SORCS1: variants seen among roughly 807,000 people sequenced by gnomAD.
The protein encoded by SORCS1 is VPS10 domain-containing receptor SorCS1.
Under a neutral mutation model 146.1 loss-of-function variants are expected in SORCS1, and 60 were observed. The ratio of observed to expected loss-of-function variants is 0.41; its 90% confidence interval spans 0.33 to 0.51. The LOEUF (loss-of-function observed/expected upper bound fraction) is 0.51, where lower values mean the gene tolerates loss of function less well. SORCS1 is among the 20% of genes least tolerant of loss of function. SORCS1 has a pLI of 0.21. For synonymous variants in SORCS1, 637 were observed against 584.0 expected, an observed-to-expected ratio of 1.09 and a Z score of -1.31; for missense variants, 1,352 against 1,487.6, an observed-to-expected ratio of 0.91 and a Z score of 1.50.
At chr10:106,840,957 G>A (rs1727503271) in intron 2 of SORCS1, among the ~76,000 whole-genome samples, 1 of 150,900 alleles carries the variant, frequency 6.6e-6, no homozygotes. Context: ...CCAGGTTCAA[G>A]TGATTCCCCT....
intron 1 of SORCS1, among the ~76,000 whole-genome samples, chr10:107,114,769 A>G (rs1332651242): frequency 6.6e-6 from 1 of 152,146 alleles, no homozygotes; most frequent in Admixed American, 6.5e-5. Context: ...ATTGTGTGAT[A>G]ATAAGAAAGA....
chr10:106,879,443 A>AG (rs1466180484), intron 2 of SORCS1, among the ~76,000 whole-genome samples: 1 of 152,228 alleles, frequency 6.6e-6, no homozygotes, highest in Non-Finnish European at 1.5e-5. Context: ...CCACATGTGT[A>AG]GGTGAGTGTA....
At chr10:106,642,384 G>A (rs977666507) in intron 18 of SORCS1, among the ~76,000 whole-genome samples, 1 of 152,166 alleles carries the variant, frequency 6.6e-6, no homozygotes, top group Non-Finnish European at 1.5e-5. Flanking sequence ...GTACCTAGAG[G>A]ACTTGCTCTT....
At chr10:106,620,683 C>T in intron 19 of SORCS1, 122 bp from the exon 20 acceptor site, 4 of 1,228,794 alleles carry the variant, frequency 3.3e-6, no homozygotes, top group Non-Finnish European at 4.4e-6. Flanking sequence ...CCATATTCCC[C>T]AAAAGAAGTG....
At position 106,675,051 on chromosome 10, in the gene SORCS1, C is replaced by A; in HGVS notation, c.1938G>T (p.Met646Ile). ...LGEPGEETLI[M>I]TVFGHFSHRS... ...CCACATCATACTTTTCAACTTACGT[C>A]ATGATGAGAGTCTCTTCTCCAGGCT... is the stretch of plus-strand genomic sequence containing the variant. The change falls in exon 14 of 26, where the codon ATG (methionine) becomes ATT (isoleucine). Residue 646 changes from methionine to isoleucine, a missense_variant and splice_region_variant. Physicochemically the swap from Met to Ile is conservative, Grantham distance 10. Transcript: ENST00000263054. The A allele has an allele frequency of 6.2e-7, 1 of 1,610,908 alleles. No individual in the cohort carries two copies. The highest frequency in any genetic ancestry group is 8.5e-7 in the Non-Finnish European group (1 of 1,177,434).
In SORCS1 at chr10:106,709,240, G is replaced by A. The variant is rs769982632; in HGVS notation, c.1126C>T (p.His376Tyr). 66 of 1,612,908 alleles carry A rather than the reference G, an allele frequency of 4.1e-5. No individual in the cohort carries two copies. Among genetic ancestry groups the A allele is most frequent in the Non-Finnish European group, 5.3e-5 (63 of 1,179,258 alleles). ...IDPDSLIVQDHYVFVQLTSGG... is the reference protein window; with the variant it reads ...IDPDSLIVQDYYVFVQLTSGG... ...TTTCCTACCTGAACAAACACATAAT[G>A]ATCCTGAACAATCAAAGAGTCTGGG... The change falls in exon 7 of 26, where the codon CAT becomes TAT. Residue 376 changes from histidine (H) to tyrosine (Y), a missense_variant. This residue lies in a region of SORCS1 where 648 missense variants were observed against 793.8 expected (regional missense o/e 0.82). Coordinates refer to ENST00000263054, the MANE Select transcript of SORCS1 (RefSeq NM_052918.5).
intron 2 of SORCS1, among the ~76,000 whole-genome samples, chr10:106,850,579 G>A (rs994864861): frequency 1.3e-5 from 2 of 152,152 alleles, no homozygotes; most frequent in African/African-American, 2.4e-5. Context: ...GTAGACCGGA[G>A]CTGTTCCTAT....
At chr10:106,671,674 C>T (rs186110554) in intron 15 of SORCS1, among the ~76,000 whole-genome samples, 1 of 152,244 alleles carries the variant, frequency 6.6e-6, no homozygotes, top group East Asian at 1.9e-4. Context: ...CAGCCTGTAC[C>T]TAGTGTATTG....
chr10:106,861,864 G>A (rs1041566319), intron 2 of SORCS1, among the ~76,000 whole-genome samples: 5 of 152,158 alleles, frequency 3.3e-5, no homozygotes, highest in African/African-American at 1.2e-4. Context: ...ACTCCAGCCT[G>A]GTGACAGGGC....
intron 17 of SORCS1, among the ~76,000 whole-genome samples, chr10:106,666,682 G>A (rs1564835833): frequency 2.0e-5 from 3 of 151,186 alleles, no homozygotes; most frequent in Admixed American, 2.0e-4. Context: ...TCAGCCTCCT[G>A]AGTGTCTGAG....
At chr10:106,943,613 C>T (rs1954162398) in intron 2 of SORCS1, among the ~76,000 whole-genome samples, 1 of 151,556 alleles carries the variant, frequency 6.6e-6, no homozygotes, top group South Asian at 2.1e-4. Context: ...CAAGACCATC[C>T]CGGCTAACAC....
At chr10:106,970,210 T>C (rs531331402) in intron 1 of SORCS1, 1 of 152,332 alleles carries the variant, frequency 6.6e-6, no homozygotes, top group Admixed American at 6.5e-5. Flanking sequence ...CGGAATACCT[T>C]GGCCTACTCT....
intron 2 of SORCS1, among the ~76,000 whole-genome samples, chr10:106,897,123 C>T (rs971794230): frequency 6.6e-6 from 1 of 151,880 alleles, no homozygotes; most frequent in Non-Finnish European, 1.5e-5. Context: ...CCTCGTGATC[C>T]GCCCACCTCG....
chr10:106,729,286 C>T (rs890932265), intron 6 of SORCS1, among the ~76,000 whole-genome samples: 2 of 152,166 alleles, frequency 1.3e-5, no homozygotes, highest in African/African-American at 4.8e-5. Context: ...GAAAAACAAC[C>T]TACAACATTG....
At chr10:106,737,226 A>C (rs1857015864) in intron 5 of SORCS1, among the ~76,000 whole-genome samples, 1 of 152,216 alleles carries the variant, frequency 6.6e-6, no homozygotes, top group Non-Finnish European at 1.5e-5. Context: ...GTTTAGAAAC[A>C]AGCAACCTGT....
At chr10:106,778,839 G>A (rs1860666271) in intron 3 of SORCS1, among the ~76,000 whole-genome samples, 1 of 152,082 alleles carries the variant, frequency 6.6e-6, no homozygotes, top group Non-Finnish European at 1.5e-5. Context: ...TTTCCCATGA[G>A]TATAGATCTC....
At chr10:107,160,161 C>T (rs1313882311) in intron 1 of SORCS1, among the ~76,000 whole-genome samples, 1 of 152,194 alleles carries the variant, frequency 6.6e-6, no homozygotes, top group Non-Finnish European at 1.5e-5. Context: ...AGAGTACGTC[C>T]TCCTCCACCA....
chr10:106,721,885 T>G (rs1855804178), intron 6 of SORCS1, among the ~76,000 whole-genome samples: 1 of 152,222 alleles, frequency 6.6e-6, no homozygotes, highest in Admixed American at 6.5e-5. Context: ...ATTTAGTAAT[T>G]ACTAAATATA....
chr10:107,034,563 C>T (rs987635899), intron 1 of SORCS1, among the ~76,000 whole-genome samples: 1 of 150,360 alleles, frequency 6.7e-6, no homozygotes, highest in Non-Finnish European at 1.5e-5. Flanking sequence ...GCCTGTAATT[C>T]CAGCTATTTG....
Sources: allele counts gnomAD v4.1 joint callset (sites outside exome capture counted in the v4.1 genomes callset), GRCh38; gene constraint gnomAD v4.1.1; regional missense constraint gnomAD v4.1.1; transcripts MANE v1.5; gene names NCBI Gene and HGNC (gene_info 2026-07-23, HGNC 2026-07-21).